ARMH4: variants seen among roughly 807,000 people sequenced by gnomAD.
ARMH4 encodes armadillo-like helical domain-containing protein 4.
A neutral mutation model predicts 61.9 loss-of-function variants in ARMH4; 49 were observed. The ratio of observed to expected loss-of-function variants is 0.79; its 90% CI spans 0.63 to 1.00. The LOEUF (loss-of-function observed/expected upper bound fraction) is 1.00. Among genes scored for constraint, ARMH4 ranks in the 50% least tolerant of loss-of-function variants. ARMH4 has a pLI of 0.00. For missense variants in ARMH4, 934 were observed against 930.0 expected, an observed-to-expected ratio of 1.00 and a Z score of -0.06; for synonymous variants, 368 against 341.5, an observed-to-expected ratio of 1.08 and a Z score of -0.85.
At chr14:58,032,745 G>C (rs928840724) in intron 5 of ARMH4, among the ~76,000 whole-genome samples, 5 of 152,046 alleles carry the variant, frequency 3.3e-5, no homozygotes, top group Non-Finnish European at 5.9e-5. Context: ...CCTGGGAAGC[G>C]CAAGGGGTCA....
chr14:58,032,204 T>C (rs990412347), intron 5 of ARMH4, among the ~76,000 whole-genome samples: 3 of 152,156 alleles, frequency 2.0e-5, no homozygotes, highest in Non-Finnish European at 2.9e-5. Flanking sequence ...GTTTTGCTCA[T>C]TGCTGCAGCT....
intron 5 of ARMH4, among the ~76,000 whole-genome samples, chr14:58,026,112 C>T (rs1174792344): frequency 6.6e-6 from 1 of 151,838 alleles, no homozygotes; most frequent in Non-Finnish European, 1.5e-5. Flanking sequence ...GCTAATAATA[C>T]TGATAAACTA....
At chr14:58,066,553 T>C (rs138030844) in intron 5 of ARMH4, among the ~76,000 whole-genome samples, 23 of 152,326 alleles carry the variant, frequency 1.5e-4, no homozygotes, top group East Asian at 5.8e-4. Context: ...AAGTGGTTAG[T>C]GGCTAATTTT....
At chr14:58,130,459 T>G (rs1199810689) in intron 4 of ARMH4, among the ~76,000 whole-genome samples, 1 of 152,196 alleles carries the variant, frequency 6.6e-6, no homozygotes. Context: ...AGCAAACACA[T>G]GGCTAATTGA....
intron 5 of ARMH4, among the ~76,000 whole-genome samples, chr14:58,065,197 G>A (rs1319098042): frequency 6.6e-6 from 1 of 152,088 alleles, no homozygotes; most frequent in Non-Finnish European, 1.5e-5. Flanking sequence ...AGCCAAAATC[G>A]TGCCACTGCA....
chr14:58,005,138 T>G lies in ARMH4; in HGVS notation c.2166A>C (p.Ile722=), dbSNP rs1377381877. The G allele has an allele frequency of 1.2e-6, 2 of 1,613,896 alleles. No homozygotes were observed. Among genetic ancestry groups the G allele is most frequent in the Non-Finnish European group, 8.5e-7 (1 of 1,179,950 alleles). Reference sequence around the variant, plus strand: ...CTCCCAAGATGAACAAGGCTCCAGCTATCCCAACCCCTACAGGCACCAGCA... The same window carrying G: ...CTCCCAAGATGAACAAGGCTCCAGCGATCCCAACCCCTACAGGCACCAGCA... ...SGMLVPVGVG[I]AGALFILGAL... Residue 722 remains isoleucine, a synonymous_variant, in exon 7 of 8, where the codon ATA becomes ATC. Transcript: ENST00000267485.
chr14:58,042,158 A>G (rs1209137184), intron 5 of ARMH4, among the ~76,000 whole-genome samples: 1 of 152,186 alleles, frequency 6.6e-6, no homozygotes, highest in Non-Finnish European at 1.5e-5. Flanking sequence ...TCTCAGCACC[A>G]CATCACATTT....
intron 5 of ARMH4, among the ~76,000 whole-genome samples, chr14:58,048,012 G>A (rs181952378): frequency 1.3e-5 from 2 of 152,282 alleles, no homozygotes; most frequent in East Asian, 1.9e-4. Context: ...AGCAGAACAG[G>A]AAAATGCCTG....
chr14:58,039,880 C>T (rs1281608661), intron 5 of ARMH4, among the ~76,000 whole-genome samples: 1 of 152,120 alleles, frequency 6.6e-6, no homozygotes, highest in Non-Finnish European at 1.5e-5. Context: ...TCAGGAATCA[C>T]GACAAGTAAA....
intron 4 of ARMH4, among the ~76,000 whole-genome samples, chr14:58,123,010 G>A (rs539855488): frequency 2.0e-5 from 3 of 152,202 alleles, no homozygotes; most frequent in East Asian, 1.9e-4. Context: ...CAGCCTTCTC[G>A]GTCTTACTCT....
At chr14:58,151,923 C>T (rs1224697409) in intron 1 of ARMH4, among the ~76,000 whole-genome samples, 152 bp downstream of exon 1, 1 of 152,138 alleles carries the variant, frequency 6.6e-6, no homozygotes, top group African/African-American at 2.4e-5. Flanking sequence ...AGGATCGGGG[C>T]GCACGCCTGG....
intron 5 of ARMH4, among the ~76,000 whole-genome samples, chr14:58,095,753 C>T (rs1201533818): frequency 6.6e-6 from 1 of 152,222 alleles, no homozygotes; most frequent in African/African-American, 2.4e-5. Flanking sequence ...CCCAGAATTA[C>T]ATCCAGAGCA....
chr14:58,064,467 C>T (rs1278855221), intron 5 of ARMH4, among the ~76,000 whole-genome samples: 1 of 152,160 alleles, frequency 6.6e-6, no homozygotes. Flanking sequence ...CTTAAACACA[C>T]AACTATTTAT....
intron 1 of ARMH4, among the ~76,000 whole-genome samples, chr14:58,141,047 T>C (rs1018997157): frequency 2.6e-5 from 4 of 152,144 alleles, no homozygotes; most frequent in African/African-American, 9.7e-5. Flanking sequence ...CTTCCCAGTC[T>C]CCAGAACTGT....
In ARMH4 at chr14:58,131,710, T is replaced by A. The variant is rs1399769835; in HGVS notation, c.1633A>T (p.Thr545Ser). Residue 545 changes from threonine to serine, a missense_variant, in exon 4 of 8, where the codon ACA (threonine) becomes TCA (serine). By Grantham distance (58) the Thr-to-Ser change is moderately conservative. Transcript: ENST00000267485. ...VTPTVEEQMD[T>S]VTGPNEEFTP... ...AACTCCTCATTTGGCCCTGTGACTG[T>A]GTCCATTTGTTCTGCCAAACACAAC... 3 of 1,612,660 alleles carry A rather than the reference T, an allele frequency of 1.9e-6. No homozygotes were observed. Among genetic ancestry groups the A allele is most frequent in the African/African-American group, 2.7e-5 (2 of 74,906 alleles).
intron 5 of ARMH4, among the ~76,000 whole-genome samples, chr14:58,080,207 G>A (rs373790358): frequency 6.1e-4 from 92 of 151,806 alleles, no homozygotes; most frequent in Non-Finnish European, 1.0e-3. Flanking sequence ...TCAGCTCACC[G>A]CAACCTCCAC....
chr14:58,073,832 C>T (rs1737957654), intron 5 of ARMH4, among the ~76,000 whole-genome samples: 1 of 152,178 alleles, frequency 6.6e-6, no homozygotes, highest in Non-Finnish European at 1.5e-5. Context: ...TCCTGAGCCT[C>T]AGTGTCCTCA....
At chr14:58,030,030 T>G (rs768987640) in intron 5 of ARMH4, among the ~76,000 whole-genome samples, 2 of 152,082 alleles carry the variant, frequency 1.3e-5, no homozygotes, top group Non-Finnish European at 2.9e-5. Flanking sequence ...TAAAAAGAAA[T>G]AAAGTTCTGA....
intron 5 of ARMH4, among the ~76,000 whole-genome samples, chr14:58,063,198 T>C (rs1884588159): frequency 6.6e-6 from 1 of 152,176 alleles, no homozygotes; most frequent in East Asian, 1.9e-4. Context: ...ACTCTGTCAA[T>C]GTGTCTCCAT....
Sources: allele counts gnomAD v4.1 joint callset (sites outside exome capture counted in the v4.1 genomes callset), GRCh38; gene constraint gnomAD v4.1.1; transcripts MANE v1.5; gene names NCBI Gene and HGNC (gene_info 2026-07-23, HGNC 2026-07-21).